The following IGSF21 variants were observed in gnomAD, a reference collection of about 807,000 sequenced individuals.
The protein encoded by IGSF21 is immunoglobin superfamily member 21.
A neutral mutation model predicts 46.8 loss-of-function variants in IGSF21; 28 were observed. The ratio of observed to expected loss-of-function variants is 0.60; its 90% CI spans 0.44 to 0.82. The LOEUF (loss-of-function observed/expected upper bound fraction) is 0.82, where lower values mean the gene tolerates loss of function less well. IGSF21 is among the 40% of genes least tolerant of loss of function. IGSF21 has a pLI of 0.00. For synonymous variants in IGSF21, 284 were observed against 273.6 expected (o/e 1.04, Z -0.38); for missense variants, 624 against 665.5 (o/e 0.94, Z 0.69).
At chr1:18,210,179 CG>C (rs2084374976) in intron 1 of IGSF21, among the ~76,000 whole-genome samples, 1 of 152,050 alleles carries the variant, frequency 6.6e-6, no homozygotes, top group South Asian at 2.1e-4. Context: ...ATATGAAGAC[CG>C]GATTGCTTCT....
intron 1 of IGSF21, among the ~76,000 whole-genome samples, chr1:18,190,058 G>T (rs1459596644): frequency 1.3e-5 from 2 of 152,208 alleles, no homozygotes; most frequent in Non-Finnish European, 2.9e-5. Context: ...CCTGGACAGA[G>T]ACCCTGCTCA....
In IGSF21 at chr1:18,365,293, G is replaced by T. The variant is rs1453263886; in HGVS notation, c.611G>T (p.Gly204Val). 6.2e-7 allele frequency: 1 copy of T among 1,613,770 alleles called. No homozygotes were observed. Among genetic ancestry groups the T allele is most frequent in the African/African-American group, 1.3e-5 (1 of 74,880 alleles). ...TCAGAGCCACCAGCTGCGAGCTCCGGCCCCCTACAGGACAGCAGGCCCTTC... is the reference window on the plus strand; with the variant it reads ...TCAGAGCCACCAGCTGCGAGCTCCGTCCCCCTACAGGACAGCAGGCCCTTC... ...PLSEPPAASS[G>V]PLQDSRPFRS... The change falls in exon 6 of 10, where the codon GGC (glycine) becomes GTC (valine). Residue 204 changes from glycine to valine, a missense_variant. Transcript: ENST00000251296. The surrounding 1 kb of genome is among the most constrained non-coding windows in gnomAD (Gnocchi z 4.8).
chr1:18,293,474 G>A lies in IGSF21; in HGVS notation c.305+1487G>A, dbSNP rs182773580. On this transcript the variant is annotated intron_variant, in intron 3 of 9. Transcript: ENST00000251296. ...TCGTCCTCTCTGGGCTCTGTGCCAG[G>A]ACCATGCTGAGAATGTGGACGTGAA... is the stretch of plus-strand genomic sequence containing the variant. Among the ~76,000 whole-genome samples the A allele has an allele frequency of 1.3e-3, 192 of 152,264 alleles. 5 individuals are homozygous for A. The East Asian group carries it at 0.033, about 26-fold the overall frequency.
chr1:18,331,668 C>T (rs1448772997), intron 3 of IGSF21, among the ~76,000 whole-genome samples: 2 of 152,180 alleles, frequency 1.3e-5, no homozygotes, highest in Non-Finnish European at 2.9e-5. Context: ...ATCTCATTTG[C>T]ATTTGAAAAG....
intron 1 of IGSF21, among the ~76,000 whole-genome samples, chr1:18,172,904 C>G (rs748920642): frequency 2.6e-5 from 4 of 151,468 alleles, no homozygotes. Flanking sequence ...TCAAGCATCC[C>G]CTCTGGTGTG....
chr1:18,138,776 C>T (rs897888838), intron 1 of IGSF21, among the ~76,000 whole-genome samples: 3 of 152,236 alleles, frequency 2.0e-5, no homozygotes, highest in African/African-American at 7.2e-5. Context: ...CCCTCGCCAC[C>T]ACCATTAACT....
intron 2 of IGSF21, among the ~76,000 whole-genome samples, chr1:18,253,890 G>A (rs1215065703): frequency 6.6e-6 from 1 of 152,210 alleles, no homozygotes; most frequent in Non-Finnish European, 1.5e-5. Context: ...GCTTTGAAAG[G>A]TGGATCAAGT....
intron 2 of IGSF21, among the ~76,000 whole-genome samples, chr1:18,262,712 T>G (rs1174782078): frequency 1.3e-5 from 2 of 152,154 alleles, no homozygotes; most frequent in African/African-American, 4.8e-5. Flanking sequence ...CCTCGTTGCC[T>G]TAATAAGTAA....
At chr1:18,351,968 A>C (rs945169374) in intron 4 of IGSF21, among the ~76,000 whole-genome samples, 4 of 152,220 alleles carry the variant, frequency 2.6e-5, no homozygotes, top group Admixed American at 6.5e-5. Context: ...GAGGATCTGC[A>C]TGGGCCTAGA....
chr1:18,199,901 T>A (rs201114971), intron 1 of IGSF21, among the ~76,000 whole-genome samples: 152 of 106,254 alleles, frequency 1.4e-3, no homozygotes, highest in Middle Eastern at 5.1e-3. Context: ...GGCCCCCCCC[T>A]ACCCCCGTGA....
intron 2 of IGSF21, among the ~76,000 whole-genome samples, chr1:18,257,796 T>C (rs1353916824): frequency 6.7e-6 from 1 of 149,872 alleles, no homozygotes; most frequent in Non-Finnish European, 1.5e-5. Flanking sequence ...GAGGAAGGCA[T>C]CCTTTTCCTT....
At chr1:18,295,780 G>A (rs1044557853) in intron 3 of IGSF21, among the ~76,000 whole-genome samples, 1 of 152,244 alleles carries the variant, frequency 6.6e-6, no homozygotes, top group Non-Finnish European at 1.5e-5. Flanking sequence ...TGAGAAAGGT[G>A]AGAAGTGCCG....
At chr1:18,227,155 T>A (rs573506376) in intron 1 of IGSF21, among the ~76,000 whole-genome samples, 17 of 152,286 alleles carry the variant, frequency 1.1e-4, no homozygotes, top group African/African-American at 4.1e-4. Context: ...CTCTAACATA[T>A]CACCACTGCC....
chr1:18,119,347 A>T (rs2086213417), intron 1 of IGSF21, among the ~76,000 whole-genome samples: 1 of 152,220 alleles, frequency 6.6e-6, no homozygotes, highest in South Asian at 2.1e-4. Flanking sequence ...ATTTAAATTA[A>T]AACTAAGCAA....
intron 2 of IGSF21, among the ~76,000 whole-genome samples, chr1:18,238,034 C>T (rs2084689390): frequency 6.6e-6 from 1 of 152,060 alleles, no homozygotes. Flanking sequence ...GAAAATATGC[C>T]TAATATGTTG....
intron 1 of IGSF21, among the ~76,000 whole-genome samples, chr1:18,145,782 G>C (rs1485496427): frequency 6.6e-6 from 1 of 152,224 alleles, no homozygotes; most frequent in Non-Finnish European, 1.5e-5. Flanking sequence ...TGAGCGTGGA[G>C]GTTAGGGAAG....
At chr1:18,149,424 A>G (rs943419788) in intron 1 of IGSF21, among the ~76,000 whole-genome samples, 3 of 152,336 alleles carry the variant, frequency 2.0e-5, no homozygotes, top group African/African-American at 7.2e-5. Flanking sequence ...GCTCAGACTC[A>G]TGGCTGTGCT....
At chr1:18,371,362 G>A (rs11804217) in intron 6 of IGSF21, among the ~76,000 whole-genome samples, 3,305 of 152,132 alleles carry the variant, frequency 0.022, 108 homozygotes, top group African/African-American at 0.074. Flanking sequence ...ACTTGCAGCC[G>A]GGAGTTTGAG....
chr1:18,311,478 G>A (rs1011824807), intron 3 of IGSF21, among the ~76,000 whole-genome samples: 20 of 152,286 alleles, frequency 1.3e-4, no homozygotes, highest in East Asian at 1.9e-4. Context: ...GCTCTGGAGC[G>A]GCGGAGCTGG....
Sources: allele counts gnomAD v4.1 joint callset (sites outside exome capture counted in the v4.1 genomes callset), GRCh38; gene constraint gnomAD v4.1.1; non-coding constraint Gnocchi (gnomAD v3.1); transcripts MANE v1.5; gene names NCBI Gene and HGNC (gene_info 2026-07-23, HGNC 2026-07-21).